The following NRXN3 variants were observed in gnomAD, a reference collection of about 807,000 sequenced individuals.
The protein encoded by NRXN3 is neurexin III.
A neutral mutation model predicts 137.6 loss-of-function variants in NRXN3; 32 were observed. The ratio of observed to expected loss-of-function variants is 0.23; its 90% CI spans 0.18 to 0.31. The LOEUF (loss-of-function observed/expected upper bound fraction) is 0.31. Ranked by LOEUF, NRXN3 falls within the 10% of genes least tolerant of loss-of-function variation. NRXN3 has a pLI of 1.00. For missense variants in NRXN3, 1,574 were observed against 2,062.5 expected, an observed-to-expected ratio of 0.76 and a Z score of 4.59; for synonymous variants, 798 against 784.5, an observed-to-expected ratio of 1.02 and a Z score of -0.29.
intron 15 of NRXN3, among the ~76,000 whole-genome samples, chr14:79,018,288 AAAAAAAAAGAG>A (rs1353950132): frequency 1.7e-5 from 1 of 60,594 alleles, no homozygotes; most frequent in African/African-American, 5.4e-5. Context: ...AAAAAAAAAA[AAAAAAAAAGAG>A]AGAGAGCAAG....
rs188199349 is a variant in NRXN3, at chr14:78,995,801, G to A, written c.3262+7660G>A. Reference sequence around the variant, plus strand: ...TAACAGTGTAAACAAGATGACAAAAGACTATTTGAAGAACTGGATATTTAT... The same window carrying A: ...TAACAGTGTAAACAAGATGACAAAAAACTATTTGAAGAACTGGATATTTAT... On this transcript the variant is annotated intron_variant, in intron 15 of 20. Coordinates refer to ENST00000335750, the MANE Select transcript of NRXN3 (RefSeq NM_001330195.2). 3.9e-5 allele frequency among the ~76,000 whole-genome samples: 6 copies of A among 152,216 alleles called. No homozygotes were observed. In the East Asian group the frequency reaches 1.2e-3, roughly 29 times the overall value.
chr14:78,318,625 C>T (rs971537603), intron 4 of NRXN3, among the ~76,000 whole-genome samples: 3 of 152,132 alleles, frequency 2.0e-5, no homozygotes, highest in Non-Finnish European at 4.4e-5. Context: ...CAACATCCCC[C>T]CCGATTCCCC....
intron 8 of NRXN3, among the ~76,000 whole-genome samples, chr14:78,774,922 C>CT (rs2098740198): frequency 6.6e-6 from 1 of 151,014 alleles, no homozygotes; most frequent in Admixed American, 6.6e-5. Context: ...AACCCTGTCT[C>CT]TAAAAAAAAA....
intron 4 of NRXN3, among the ~76,000 whole-genome samples, chr14:78,490,634 T>C (rs143180883): frequency 6.6e-6 from 1 of 152,250 alleles, no homozygotes; most frequent in East Asian, 1.9e-4. Context: ...CAGAAAAATG[T>C]TTGCATTGAG....
chr14:78,752,559 T>A (rs1158501210), intron 8 of NRXN3, among the ~76,000 whole-genome samples: 1 of 152,216 alleles, frequency 6.6e-6, no homozygotes, highest in Non-Finnish European at 1.5e-5. Flanking sequence ...TCTGAAATAA[T>A]CTCTCTGTTC....
intron 4 of NRXN3, among the ~76,000 whole-genome samples, chr14:78,400,604 G>T (rs1184100809): frequency 6.6e-6 from 1 of 152,190 alleles, no homozygotes; most frequent in South Asian, 2.1e-4. Flanking sequence ...TGTTTATTGA[G>T]CACTTATTCC....
At chr14:79,766,044 C>G (rs987217498) in intron 19 of NRXN3, among the ~76,000 whole-genome samples, 4 of 152,110 alleles carry the variant, frequency 2.6e-5, no homozygotes, top group Non-Finnish European at 4.4e-5. Flanking sequence ...TATAGCATAC[C>G]TGTATTCAGG....
intron 16 of NRXN3, among the ~76,000 whole-genome samples, chr14:79,475,927 T>C (rs1162228801): frequency 1.3e-5 from 2 of 152,124 alleles, no homozygotes; most frequent in African/African-American, 4.8e-5. Flanking sequence ...TTTTTAGATA[T>C]ATGAATCTAA....
At chr14:78,251,702 G>A (rs976648797) in intron 2 of NRXN3, among the ~76,000 whole-genome samples, 4 of 152,218 alleles carry the variant, frequency 2.6e-5, no homozygotes. Flanking sequence ...GGTGGGAAGA[G>A]GAGATGTCTA....
At chr14:78,959,019 T>C (rs1224863226) in intron 11 of NRXN3, among the ~76,000 whole-genome samples, 1 of 152,228 alleles carries the variant, frequency 6.6e-6, no homozygotes, top group Non-Finnish European at 1.5e-5. Context: ...TGATATTCTA[T>C]TATTTCTATG....
intron 16 of NRXN3, among the ~76,000 whole-genome samples, chr14:79,537,461 C>T (rs1215180697): frequency 6.6e-6 from 1 of 152,036 alleles, no homozygotes; most frequent in Non-Finnish European, 1.5e-5. Flanking sequence ...CCACAACAGG[C>T]CCCGGTGTGT....
intron 15 of NRXN3, among the ~76,000 whole-genome samples, chr14:79,354,940 G>A (rs1448646945): frequency 6.6e-6 from 1 of 152,168 alleles, no homozygotes; most frequent in African/African-American, 2.4e-5. Flanking sequence ...CCAAGTATAG[G>A]TCGTGTCCGA....
chr14:78,426,144 T>C (rs940344569), intron 4 of NRXN3, among the ~76,000 whole-genome samples: 2 of 152,176 alleles, frequency 1.3e-5, no homozygotes, highest in African/African-American at 4.8e-5. Flanking sequence ...AACTTAGCTG[T>C]CTTTTCAAAG....
intron 16 of NRXN3, among the ~76,000 whole-genome samples, chr14:79,586,622 AC>A (rs2097767149): frequency 6.6e-6 from 1 of 152,164 alleles, no homozygotes; most frequent in African/African-American, 2.4e-5. Flanking sequence ...GGCGTGAGCC[AC>A]CGCGCCAGGC....
intron 16 of NRXN3, among the ~76,000 whole-genome samples, chr14:79,597,591 T>A (rs2552415): frequency 0.21 from 31,971 of 152,124 alleles, 6,186 homozygotes; most frequent in African/African-American, 0.52. Flanking sequence ...ATTATTATTG[T>A]TGTTACCATA....
intron 4 of NRXN3, among the ~76,000 whole-genome samples, chr14:78,381,981 T>C (rs1244460620): frequency 6.6e-6 from 1 of 152,166 alleles, no homozygotes; most frequent in Non-Finnish European, 1.5e-5. Flanking sequence ...GAAGGGTTCT[T>C]GTGATGGAAA....
chr14:79,840,090 T>C (rs1465364784), intron 20 of NRXN3, among the ~76,000 whole-genome samples: 2 of 152,194 alleles, frequency 1.3e-5, no homozygotes, highest in Admixed American at 1.3e-4. Context: ...TTATGACTTA[T>C]TTCAGGTCAC....
At chr14:79,408,922 T>C (rs1004978815) in intron 15 of NRXN3, among the ~76,000 whole-genome samples, 1 of 152,142 alleles carries the variant, frequency 6.6e-6, no homozygotes, top group Non-Finnish European at 1.5e-5. Flanking sequence ...ATTCATGTGT[T>C]TTTTTTCTTT....
intron 15 of NRXN3, among the ~76,000 whole-genome samples, chr14:79,251,501 G>A (rs1597832944): frequency 6.6e-6 from 1 of 152,148 alleles, no homozygotes; most frequent in South Asian, 2.1e-4. Context: ...AATGAGGAGT[G>A]AAAAGTAATA....
Sources: gnomAD v4.1 joint callset for allele counts (sites outside exome capture counted in the v4.1 genomes callset) on GRCh38, gnomAD v4.1.1 for gene constraint, MANE v1.5 for transcripts, NCBI Gene and HGNC (gene_info 2026-07-23, HGNC 2026-07-21) for gene names.